The following SEMA4D variants were observed in gnomAD, a reference collection of about 807,000 sequenced individuals.
SEMA4D encodes semaphorin 4D.
SEMA4D carries 22 observed loss-of-function variants against 74.8 expected under a neutral mutation model. The ratio of observed to expected loss-of-function variants is 0.29; its 90% CI spans 0.21 to 0.42. The LOEUF is 0.42. Ranked by LOEUF, SEMA4D falls within the 10% of genes least tolerant of loss-of-function variation. SEMA4D has a pLI of 1.00. For missense variants in SEMA4D, 937 were observed against 1,118.4 expected (o/e 0.84, Z 2.31); for synonymous variants, 445 against 463.7 (o/e 0.96, Z 0.52).
At chr9:89,393,534 GT>G in intron 7 of SEMA4D, 27 bp downstream of exon 7, 2 of 1,561,952 alleles carry the variant, frequency 1.3e-6, no homozygotes, top group East Asian at 4.5e-5. Flanking sequence ...AATCTTCACG[GT>G]GAAGGAACTG....
At chr9:89,455,179 A>C (rs1328953540) in intron 2 of SEMA4D, among the ~76,000 whole-genome samples, 1 of 152,186 alleles carries the variant, frequency 6.6e-6, no homozygotes, top group East Asian at 1.9e-4. Flanking sequence ...TGACATGCGG[A>C]CTCGCACCCA....
At chr9:89,403,844 G>A (rs1842699675) in intron 3 of SEMA4D, among the ~76,000 whole-genome samples, 1 of 152,198 alleles carries the variant, frequency 6.6e-6, no homozygotes, top group African/African-American at 2.4e-5. Context: ...TGGGACGACT[G>A]CTTGTGTCCA....
Position 89,484,811 on chromosome 9 carries a change from G to A in SEMA4D, c.-310+13108C>T, listed in dbSNP as rs111207141. 6.7e-6 allele frequency among the ~76,000 whole-genome samples: 1 copy of A among 148,194 alleles called. No homozygotes were observed. The highest frequency in any genetic ancestry group is 2.5e-5 in the African/African-American group (1 of 40,004). ...TGGTGTGTGGATGTATTGTGTGGTG[G>A]GTGTGTGGTGTGTGGATGTATTGTG... On this transcript the variant is annotated intron_variant, in intron 1 of 15. Coordinates refer to ENST00000422704, the MANE Select transcript of SEMA4D (RefSeq NM_001371194.2). This position sits in a 1 kb window ranked among gnomAD's most constrained non-coding sequence, Gnocchi z 4.1.
intron 2 of SEMA4D, chr9:89,449,832 T>C: frequency 6.6e-7 from 1 of 1,507,680 alleles, no homozygotes; most frequent in Admixed American, 1.7e-5. Flanking sequence ...CTTCTCCCCT[T>C]TGAAGAGAGA....
intron 1 of SEMA4D, among the ~76,000 whole-genome samples, chr9:89,456,634 G>A (rs575374422): frequency 2.6e-5 from 4 of 152,318 alleles, no homozygotes; most frequent in Non-Finnish European, 4.4e-5. Context: ...AGGCTGGAGC[G>A]CAGCGGCACG....
intron 2 of SEMA4D, among the ~76,000 whole-genome samples, chr9:89,410,166 G>T (rs558496049): frequency 2.0e-5 from 3 of 152,192 alleles, no homozygotes; most frequent in Non-Finnish European, 4.4e-5. Flanking sequence ...CTCCCAGAAT[G>T]ATGCCGCTGA....
At chr9:89,441,271 C>T (rs1186110715) in intron 2 of SEMA4D, among the ~76,000 whole-genome samples, 1 of 152,286 alleles carries the variant, frequency 6.6e-6, no homozygotes. Context: ...GCGCAGGACT[C>T]GGCCGGGCGG....
chr9:89,450,614 A>ATCCTG (rs1854143228), intron 2 of SEMA4D: 3 of 810,736 alleles, frequency 3.7e-6, no homozygotes, highest in Non-Finnish European at 4.1e-6. Flanking sequence ...TCCAGGATGC[A>ATCCTG]GAGCTAAAGA....
chr9:89,371,190 GGT>G (rs1400729145), intron 16 of SEMA4D, among the ~76,000 whole-genome samples: 1 of 125,890 alleles, frequency 7.9e-6, no homozygotes. Context: ...GGGGGGGTGT[GGT>G]GTGTATCTGG....
At chr9:89,379,707 G>A in intron 15 of SEMA4D, 78 bp from the exon 16 acceptor site, 13 of 1,471,476 alleles carry the variant, frequency 8.8e-6, no homozygotes, top group Non-Finnish European at 1.2e-5. Flanking sequence ...ATACCCACAA[G>A]ATGACGCAAG....
In SEMA4D at chr9:89,378,917, C is replaced by A. The variant is rs113511187; in HGVS notation, c.2376G>T (p.Thr792=). 5.0e-6 allele frequency: 8 copies of A among 1,614,222 alleles called. 1 individual carries two copies. The Admixed American group carries it at 1.0e-4, about 20-fold the overall frequency. The change falls in exon 16 of 16, where the codon ACG becomes ACT. Residue 792 remains threonine (T), a synonymous_variant. Coordinates refer to ENST00000422704, the MANE Select transcript of SEMA4D (RefSeq NM_001371194.2). Reference sequence around the variant, plus strand: ...GGGAGAAGCTCCCTGGCTCTACTAACGTCTCCTTCAGGCTCTGCTCACGGT... The same window carrying A: ...GGGAGAAGCTCCCTGGCTCTACTAAAGTCTCCTTCAGGCTCTGCTCACGGT... The part of the protein sequence containing the change: ...FCDREQSLKE[T]LVEPGSFSQQ...
intron 2 of SEMA4D, among the ~76,000 whole-genome samples, chr9:89,408,469 A>G (rs1357944591): frequency 1.3e-5 from 2 of 152,144 alleles, no homozygotes; most frequent in African/African-American, 4.8e-5. Context: ...CCCATTAAAA[A>G]CCAGCTACCC....
intron 16 of SEMA4D, among the ~76,000 whole-genome samples, chr9:89,369,785 G>A (rs552611678): frequency 6.6e-6 from 1 of 152,310 alleles, no homozygotes; most frequent in Admixed American, 6.5e-5. Flanking sequence ...TCCTCCCCTT[G>A]TCAATACACA....
At chr9:89,376,584 A>C, downstream of SEMA4D, 1 of 464,162 alleles carries the variant, frequency 2.2e-6, no homozygotes, top group Non-Finnish European at 3.8e-6. Flanking sequence ...CAAGGCCTAA[A>C]TATCTAGCCC....
At chr9:89,385,171 C>T (rs1838167353) in intron 13 of SEMA4D, 1 of 904,092 alleles carries the variant, frequency 1.1e-6, no homozygotes. Context: ...CGGCCCTCCT[C>T]TTCCTACCCC....
In SEMA4D at chr9:89,497,977, TGGC is replaced by T. The variant is rs550742614; in HGVS notation, c.-371_-369del. On this transcript the variant is annotated 5_prime_UTR_variant, in exon 1 of 16. Transcript: ENST00000422704. ...GCCGGGCGAGTTCGGGCGCCAGGAA[TGGC>T]GGCGGCGGCGGCGGCGGCAGCGGCG... 366 of 145,534 alleles carry T rather than the reference TGGC, an allele frequency of 2.5e-3. 5 individuals are homozygous for T. The Middle Eastern group carries it at 0.046, about 18-fold the overall frequency. The allele number at this position is 145,534 out of a possible 1,614,324, so 9.0% of individuals were successfully genotyped here. A position where few individuals can be genotyped will look rare whatever the true frequency, so the allele number is the denominator to read the frequency against.
intron 2 of SEMA4D, among the ~76,000 whole-genome samples, chr9:89,419,187 C>T (rs971631196): frequency 4.6e-5 from 7 of 152,190 alleles, no homozygotes; most frequent in Admixed American, 2.0e-4. Context: ...TGATCAGAAA[C>T]GATCACGATT....
intron 13 of SEMA4D, chr9:89,385,873 CA>C: frequency 1.8e-5 from 3 of 162,298 alleles, no homozygotes; most frequent in African/African-American, 2.5e-5. Context: ...GATGCCCGCC[CA>C]CCCACCCCTG....
At chr9:89,446,452 CTGAG>C (rs1373774505) in intron 2 of SEMA4D, among the ~76,000 whole-genome samples, 2 of 152,210 alleles carry the variant, frequency 1.3e-5, no homozygotes, top group Non-Finnish European at 2.9e-5. Flanking sequence ...CTGAGACTGA[CTGAG>C]TGGCTCTGAA....
Sources: allele counts gnomAD v4.1 joint callset (sites outside exome capture counted in the v4.1 genomes callset), GRCh38; gene constraint gnomAD v4.1.1; non-coding constraint Gnocchi (gnomAD v3.1); transcripts MANE v1.5; gene names NCBI Gene and HGNC (gene_info 2026-07-23, HGNC 2026-07-21).